The following TCF4 variants were observed in gnomAD, a reference collection of about 807,000 sequenced individuals.
TCF4 encodes SL3-3 enhancer factor 2.
A neutral mutation model predicts 82.1 loss-of-function variants in TCF4; 3 were observed. The observed-to-expected ratio is 0.04, with a 90% CI of 0.02 to 0.09. The LOEUF (loss-of-function observed/expected upper bound fraction) is 0.09. Among genes scored for constraint, TCF4 ranks in the 10% least tolerant of loss-of-function variants. TCF4 has a pLI of 1.00. For missense variants in TCF4, 518 were observed against 852.7 expected (o/e 0.61, Z 4.89); for synonymous variants, 276 against 309.6 (o/e 0.89, Z 1.14).
rs142013336 is a variant in TCF4 at position 55,521,074 on chromosome 18, A to G, written c.146-56937T>C. The stretch of plus-strand genomic sequence containing the variant: ...CAGAAAAATGGTGACATTCCTATCA[A>G]CCAGCATTGCTACTTACTAGGAATT... On this transcript the variant is annotated intron_variant, in intron 3 of 19. Coordinates refer to ENST00000354452, the MANE Select transcript of TCF4 (RefSeq NM_001083962.2). Among the ~76,000 whole-genome samples the G allele has an allele frequency of 2.6e-3, 403 of 152,258 alleles. 5 individuals carry two copies. The highest frequency in any genetic ancestry group is 9.2e-3 in the African/African-American group (382 of 41,554).
intron 3 of TCF4, among the ~76,000 whole-genome samples, chr18:55,539,593 C>A (rs1381627167): frequency 1.3e-5 from 2 of 152,072 alleles, no homozygotes; most frequent in East Asian, 3.9e-4. Flanking sequence ...AGCTCACAAT[C>A]AAAAATTAGA....
chr18:55,605,472 C>G lies in TCF4; in HGVS notation c.287-18336G>C, dbSNP rs543097538. Among the ~76,000 whole-genome samples, 8 of 152,268 alleles carry G rather than the reference C, an allele frequency of 5.3e-5. No individual in the cohort carries two copies. The East Asian group carries it at 1.5e-3, about 29-fold the overall frequency. On this transcript the variant is annotated intron_variant, in intron 2 of 20. Transcript: ENST00000398339. Reference sequence around the variant, plus strand: ...TGATTAGACTCTGAGGTTCTCTCTTCTAGAGTTGGAAGGTGGACTGTTCTT... The same window carrying G: ...TGATTAGACTCTGAGGTTCTCTCTTGTAGAGTTGGAAGGTGGACTGTTCTT...
intron 5 of TCF4, among the ~76,000 whole-genome samples, chr18:55,443,622 T>A (rs1301303634): frequency 6.6e-6 from 1 of 152,208 alleles, no homozygotes; most frequent in East Asian, 1.9e-4. Context: ...TTAGTAATCA[T>A]CATATCCTAT....
intron 17 of TCF4, 80 bp from the exon 18 acceptor site, chr18:55,229,156 A>G: frequency 6.5e-7 from 1 of 1,528,134 alleles, no homozygotes; most frequent in Non-Finnish European, 9.0e-7. Flanking sequence ...TTTCTTCCAG[A>G]GTTTTCAGGG....
At chr18:55,631,006 T>C (rs1056633339) in intron 2 of TCF4, among the ~76,000 whole-genome samples, 24 of 151,270 alleles carry the variant, frequency 1.6e-4, no homozygotes, top group African/African-American at 5.8e-4. Context: ...TACAAGGCCT[T>C]GTTGGACATA....
At chr18:55,538,417 A>T (rs2097137657) in intron 3 of TCF4, among the ~76,000 whole-genome samples, 2 of 152,238 alleles carry the variant, frequency 1.3e-5, no homozygotes, top group South Asian at 4.1e-4. Flanking sequence ...AAACAGATTA[A>T]TATTTATCCT....
At chr18:55,580,742 A>ATGTG (rs5825144) in intron 3 of TCF4, among the ~76,000 whole-genome samples, 6,030 of 145,334 alleles carry the variant, frequency 0.041, 157 homozygotes, top group African/African-American at 0.074. Flanking sequence ...GAGCTGTCTG[A>ATGTG]TGTGTGTGTG....
At chr18:55,318,943 C>G (rs781673567) in intron 8 of TCF4, among the ~76,000 whole-genome samples, 1 of 152,088 alleles carries the variant, frequency 6.6e-6, no homozygotes, top group Non-Finnish European at 1.5e-5. Flanking sequence ...CATTTTTCTT[C>G]TTTTGTTTAT....
chr18:55,436,472 T>C lies in TCF4; in HGVS notation c.304+24547A>G, dbSNP rs111628477. ...AAATTTCTAAATTCCATACATTTTC[T>C]TTCTGTTTGGGCCACATATTACAAG... is the stretch of plus-strand genomic sequence containing the variant. On this transcript the variant is annotated intron_variant, in intron 5 of 19. Transcript: ENST00000354452. 3.1e-3 allele frequency among the ~76,000 whole-genome samples: 470 copies of C among 152,374 alleles called. 3 individuals carry two copies. Among genetic ancestry groups the C allele is most frequent in the African/African-American group, 0.011 (460 of 41,588 alleles).
intron 6 of TCF4, among the ~76,000 whole-genome samples, chr18:55,356,590 T>C (rs529097255): frequency 6.6e-6 from 1 of 152,308 alleles, no homozygotes; most frequent in South Asian, 2.1e-4. Context: ...AAGAAATGTG[T>C]TATATGCGAT....
chr18:55,613,154 T>C (rs1264049521), intron 2 of TCF4, among the ~76,000 whole-genome samples: 1 of 152,038 alleles, frequency 6.6e-6, no homozygotes, highest in Non-Finnish European at 1.5e-5. Flanking sequence ...AAGTGTACAA[T>C]TTAATATGCT....
At chr18:55,423,417 ACGCG>A (rs56336951) in intron 5 of TCF4, 112 of 136,552 alleles carry the variant, frequency 8.2e-4, no homozygotes, top group African/African-American at 2.3e-3. Flanking sequence ...GGAGAGGCAC[ACGCG>A]CGCGCGCACA....
At chr18:55,284,612 G>A (rs149222897) in intron 8 of TCF4, among the ~76,000 whole-genome samples, 1 of 152,078 alleles carries the variant, frequency 6.6e-6, no homozygotes, top group African/African-American at 2.4e-5. Context: ...ACTCCTCCAC[G>A]TTACTACCCC....
intron 3 of TCF4, among the ~76,000 whole-genome samples, chr18:55,560,585 C>T (rs1307582450): frequency 2.0e-5 from 3 of 152,208 alleles, no homozygotes; most frequent in Non-Finnish European, 4.4e-5. Context: ...CATGCCTAGG[C>T]AACTGACATA....
intron 3 of TCF4, among the ~76,000 whole-genome samples, chr18:55,571,993 G>A (rs1463878878): frequency 6.6e-6 from 1 of 152,088 alleles, no homozygotes; most frequent in Non-Finnish European, 1.5e-5. Flanking sequence ...ATCCCTGGAT[G>A]CTGAGAGGTA....
At chr18:55,232,437 C>T in intron 17 of TCF4, 72 bp downstream of exon 17, 2 of 1,561,342 alleles carry the variant, frequency 1.3e-6, no homozygotes, top group Non-Finnish European at 1.8e-6. Context: ...TGAATAGTTT[C>T]TTCCCGTTCT....
chr18:55,494,157 G>A, intron 3 of TCF4, among the ~76,000 whole-genome samples: 1 of 147,738 alleles, frequency 6.8e-6, no homozygotes, highest in Non-Finnish European at 1.5e-5. Context: ...AAATATTATG[G>A]ACACACACAC....
chr18:55,445,815 G>A (rs2095515561), intron 5 of TCF4, among the ~76,000 whole-genome samples: 1 of 152,106 alleles, frequency 6.6e-6, no homozygotes, highest in Non-Finnish European at 1.5e-5. Flanking sequence ...CATCAGGATA[G>A]TTCTAACCAA....
intron 3 of TCF4, among the ~76,000 whole-genome samples, chr18:55,545,434 GTT>G (rs1223688547): frequency 6.6e-6 from 1 of 151,574 alleles, no homozygotes; most frequent in South Asian, 2.1e-4. Context: ...TTGGTCTGGG[GTT>G]TTTTTTGTTT....
Sources: allele counts gnomAD v4.1 joint callset (sites outside exome capture counted in the v4.1 genomes callset), GRCh38; gene constraint gnomAD v4.1.1; transcripts MANE v1.5; gene names NCBI Gene and HGNC (gene_info 2026-07-23, HGNC 2026-07-21).